USH2A: variants seen among roughly 807,000 people sequenced by gnomAD.
The protein encoded by USH2A is Usher syndrome 2A (autosomal recessive, mild).
In USH2A, 443 loss-of-function variants were observed where a neutral mutation model predicts 538.9. The observed-to-expected ratio is 0.82, with a 90% CI of 0.76 to 0.89. The LOEUF is 0.89. Among genes scored for constraint, USH2A ranks in the 40% least tolerant of loss-of-function variants. USH2A has a pLI of 0.00. For missense variants in USH2A, 6,633 were observed against 6,324.8 expected (o/e 1.05, Z -1.65); for synonymous variants, 2,413 against 2,273.5 (o/e 1.06, Z -1.75).
At chr1:215,808,435 T>C (rs1205658388) in intron 49 of USH2A, among the ~76,000 whole-genome samples, 6 of 152,124 alleles carry the variant, frequency 3.9e-5, no homozygotes, top group Non-Finnish European at 8.8e-5. Flanking sequence ...AATAGTGTTT[T>C]AAAAATATTT....
chr1:216,036,560 A>T (rs551459901), intron 32 of USH2A, among the ~76,000 whole-genome samples: 1 of 152,248 alleles, frequency 6.6e-6, no homozygotes, highest in African/African-American at 2.4e-5. Flanking sequence ...CAGCATCATA[A>T]ACTTTATGGT....
chr1:216,395,533 T>G (rs571149052), intron 3 of USH2A, among the ~76,000 whole-genome samples: 1 of 152,332 alleles, frequency 6.6e-6, no homozygotes, highest in East Asian at 1.9e-4. Flanking sequence ...TAACCTTAAA[T>G]CCAAGCCTCT....
At chr1:216,200,146 A>G (rs202183481) in intron 16 of USH2A, 25 bp from the exon 17 acceptor site, 1 of 1,598,964 alleles carries the variant, frequency 6.3e-7, no homozygotes, top group East Asian at 2.2e-5. Context: ...AAAAAAAAAA[A>G]CAAAGTTACA....
intron 4 of USH2A, among the ~76,000 whole-genome samples, chr1:216,355,319 G>GAAAGAAAGAAAGAAAGAAAT (rs1036129165): frequency 1.5e-4 from 8 of 53,132 alleles, no homozygotes; most frequent in African/African-American, 3.7e-4. Context: ...AAGAAAGAAA[G>GAAAGAAAGAAAGAAAGAAAT]AAAGAAAGAA....
intron 40 of USH2A, among the ~76,000 whole-genome samples, chr1:215,890,746 G>C (rs939373004): frequency 6.6e-6 from 1 of 152,078 alleles, no homozygotes; most frequent in Non-Finnish European, 1.5e-5. Context: ...TCTTATTTAT[G>C]CTTGTCATCT....
rs2035990113 is a variant in USH2A, at chr1:216,244,193, G to A, written c.2809+2392C>T. 5.3e-5 allele frequency among the ~76,000 whole-genome samples: 8 copies of A among 152,114 alleles called. No individual in the cohort carries two copies. The South Asian group carries it at 1.7e-3, about 32-fold the overall frequency. Reference sequence around the variant, plus strand: ...TTATACTGCATTCCATGTCGGGAAAGGAGAATGAACCAAAGCATCAGGTAG... The same window carrying A: ...TTATACTGCATTCCATGTCGGGAAAAGAGAATGAACCAAAGCATCAGGTAG... On this transcript the variant is annotated intron_variant, in intron 13 of 71. Coordinates refer to ENST00000307340, the MANE Select transcript of USH2A (RefSeq NM_206933.4).
intron 35 of USH2A, among the ~76,000 whole-genome samples, chr1:215,980,834 GTTAT>G (rs1428948582): frequency 6.6e-5 from 10 of 152,032 alleles, no homozygotes; most frequent in Non-Finnish European, 1.5e-4. Flanking sequence ...CAGGGCAAAT[GTTAT>G]TTATTTATTC....
At chr1:215,884,900 A>G (rs1259702283) in intron 41 of USH2A, among the ~76,000 whole-genome samples, 1 of 152,144 alleles carries the variant, frequency 6.6e-6, no homozygotes, top group African/African-American at 2.4e-5. Flanking sequence ...TGAGGACCCT[A>G]CTGTATAAGA....
intron 60 of USH2A, among the ~76,000 whole-genome samples, chr1:215,738,086 TA>T (rs1472001244): frequency 6.6e-6 from 1 of 152,066 alleles, no homozygotes; most frequent in African/African-American, 2.4e-5. Flanking sequence ...TTAAAGCACC[TA>T]GTGGGAGGAG....
chr1:215,893,030 T>C (rs1665246396), intron 40 of USH2A, among the ~76,000 whole-genome samples: 1 of 152,066 alleles, frequency 6.6e-6, no homozygotes. Context: ...GTGCAGAAAA[T>C]AAAATGCATT....
chr1:216,311,500 T>G (rs1004786398), intron 9 of USH2A, among the ~76,000 whole-genome samples: 11 of 152,164 alleles, frequency 7.2e-5, no homozygotes, highest in African/African-American at 2.7e-4. Flanking sequence ...TATCTTCATA[T>G]TTGAGTTCTG....
At position 215,805,008 on chromosome 1, in the gene USH2A, G is replaced by A. The variant is rs368380435; in HGVS notation, c.9740-5883C>T. Reference sequence around the variant, plus strand: ...AGGGACATGGATGAAGCTGGAAACCGTCATTCTCGGCAAACTATCGCAAGG... The same window carrying A: ...AGGGACATGGATGAAGCTGGAAACCATCATTCTCGGCAAACTATCGCAAGG... On this transcript the variant is annotated intron_variant, in intron 49 of 71. Transcript: ENST00000307340. 1.8e-4 allele frequency among the ~76,000 whole-genome samples: 28 copies of A among 152,104 alleles called. 1 individual carries two copies. The East Asian group carries it at 2.9e-3, about 16-fold the overall frequency.
intron 32 of USH2A, among the ~76,000 whole-genome samples, chr1:216,046,135 C>T (rs375670939): frequency 2.0e-5 from 3 of 150,990 alleles, no homozygotes; most frequent in African/African-American, 7.3e-5. Context: ...GTCCCTGTTA[C>T]AATGTGGTGT....
intron 14 of USH2A, 55 bp downstream of exon 14, chr1:216,231,898 A>G: frequency 1.2e-6 from 2 of 1,610,190 alleles, no homozygotes; most frequent in African/African-American, 2.7e-5. Context: ...ACTGCCAAAA[A>G]AAGTTAACTG....
At chr1:215,914,597 T>G (rs1044912896) in intron 38 of USH2A, among the ~76,000 whole-genome samples, 16 of 152,150 alleles carry the variant, frequency 1.1e-4, no homozygotes, top group African/African-American at 3.9e-4. Context: ...AGAGCAACCC[T>G]TTCTCCCCCT....
At chr1:216,029,340 T>G (rs1669038000) in intron 32 of USH2A, among the ~76,000 whole-genome samples, 1 of 152,098 alleles carries the variant, frequency 6.6e-6, no homozygotes, top group Non-Finnish European at 1.5e-5. Flanking sequence ...CAATATACAC[T>G]TTGAAGATAT....
At chr1:216,273,133 C>G (rs1379412392) in intron 11 of USH2A, among the ~76,000 whole-genome samples, 2 of 152,096 alleles carry the variant, frequency 1.3e-5, no homozygotes, top group African/African-American at 4.8e-5. Flanking sequence ...ATGGCATTAG[C>G]CCCTGTGTAG....
chr1:215,837,908 A>G, intron 47 of USH2A, 83 bp downstream of exon 47: 2 of 1,133,498 alleles, frequency 1.8e-6, no homozygotes, highest in Non-Finnish European at 2.7e-6. Flanking sequence ...TGAGATTGTC[A>G]TGGCTGAGAG....
chr1:216,242,856 T>C (rs1161899145), intron 13 of USH2A, among the ~76,000 whole-genome samples: 1 of 152,190 alleles, frequency 6.6e-6, no homozygotes, highest in East Asian at 1.9e-4. Flanking sequence ...ATTCATATCA[T>C]ATATTTATTT....
Sources: allele counts gnomAD v4.1 joint callset (sites outside exome capture counted in the v4.1 genomes callset), GRCh38; gene constraint gnomAD v4.1.1; transcripts MANE v1.5; gene names NCBI Gene and HGNC (gene_info 2026-07-23, HGNC 2026-07-21).